Variants in RSPH3 observed in about 807,000 individuals in gnomAD.
RSPH3 encodes the protein radial spoke head protein 3 homolog.
RSPH3 carries 21 observed loss-of-function variants against 43.8 expected under a neutral mutation model. The observed-to-expected ratio is 0.48, with a 90% CI of 0.34 to 0.69. The LOEUF (loss-of-function observed/expected upper bound fraction) is 0.69. Ranked by LOEUF, RSPH3 falls within the 30% of genes least tolerant of loss-of-function variation. The pLI, the probability that RSPH3 is intolerant of heterozygous loss-of-function variation, is 0.01. For synonymous variants in RSPH3, 173 were observed against 179.8 expected (o/e 0.96, Z 0.30); for missense variants, 487 against 516.0 (o/e 0.94, Z 0.54).
chr6:158,981,006 G>GT, intron 5 of RSPH3, 70 bp from the exon 6 acceptor site: 2 of 1,473,868 alleles, frequency 1.4e-6, no homozygotes, highest in Admixed American at 3.4e-5. Context: ...AGTGAAGTTA[G>GT]TAAGTACAAG....
chr6:158,964,016 C>G, the RSPH3 span, among the ~76,000 whole-genome samples: 12 of 152,118 alleles, frequency 7.9e-5, no homozygotes, highest in Non-Finnish European at 5.9e-5. Context: ...ATAAAAATAA[C>G]TTTTCCTAGT....
In RSPH3 at chr6:158,999,940, T is replaced by C. The variant is rs1778808327; in HGVS notation, c.-390A>G. ...GTGCGCCTGCGCTTTGCGAGGTTCC[T>C]GGCTAGGGAGGCGGCCTTGGCTGGC... On this transcript the variant is annotated 5_prime_UTR_variant, in exon 1 of 8. Coordinates refer to ENST00000367069, the MANE Select transcript of RSPH3 (RefSeq NM_031924.8). 2 of 1,608,690 alleles carry C rather than the reference T, an allele frequency of 1.2e-6. No individual in the cohort carries two copies. Among genetic ancestry groups the C allele is most frequent in the Non-Finnish European group, 8.5e-7 (1 of 1,177,352 alleles).
At position 158,985,800 on chromosome 6, in the gene RSPH3, C is replaced by T. The variant is rs367569446; in HGVS notation, c.346+480G>A. 1.5e-4 allele frequency among the ~76,000 whole-genome samples: 22 copies of T among 146,450 alleles called. No homozygotes were observed. The East Asian group carries it at 2.6e-3, about 17-fold the overall frequency. The stretch of plus-strand genomic sequence containing the variant: ...ATAATAGTATATAGTCTATGTATTT[C>T]TCTCTCTCTCTCTCTCTTTTTTTTT... On this transcript the variant is annotated intron_variant, in intron 3 of 7. Transcript: ENST00000367069.
Position 158,977,946 on chromosome 6 carries a change from C to T in RSPH3, c.947-98G>A, listed in dbSNP as rs964983895. ...TTATAGATGATTACAAAAACCTTCA[C>T]GAAGCCTCATCTCTTTCCTATGTCA... On this transcript the variant is annotated intron_variant, in intron 7 of 7. Transcript: ENST00000367069. 34 of 1,046,336 alleles carry T rather than the reference C, an allele frequency of 3.2e-5. No individual in the cohort carries two copies. The African/African-American group carries it at 3.7e-4, about 11-fold the overall frequency. 64.8% of individuals were successfully genotyped at this position (1,046,336 alleles called of 1,614,324 possible). A position where few individuals can be genotyped will look rare whatever the true frequency, so the allele number is the denominator to read the frequency against.
chr6:158,986,828 C>T (rs1778250382), intron 2 of RSPH3, among the ~76,000 whole-genome samples: 1 of 152,034 alleles, frequency 6.6e-6, no homozygotes, highest in Admixed American at 6.6e-5. Context: ...CAAAGATATT[C>T]GATATGATTT....
intron 6 of RSPH3, among the ~76,000 whole-genome samples, chr6:158,980,255 C>T (rs1157807507): frequency 6.6e-6 from 1 of 152,124 alleles, no homozygotes; most frequent in Non-Finnish European, 1.5e-5. Context: ...GGCGAAACCC[C>T]GTCTCTACTA....
chr6:158,980,827 G>C lies in RSPH3; in HGVS notation c.806C>G (p.Ser269Cys). Residue 269 changes from serine to cysteine, a missense_variant, in exon 6 of 8, where the codon TCT becomes TGT. Ser to Cys is a moderately radical substitution (Grantham distance 112). Transcript: ENST00000367069. The part of the protein sequence containing the change: ...AQRYLADLLP[S>C]VFGSLRDSGY... ...ACTATCCCTGAGGCTGCCAAAAACAGACGGGAGAAGGTCAGCCAGGTAACG... is the reference window on the plus strand; with the variant it reads ...ACTATCCCTGAGGCTGCCAAAAACACACGGGAGAAGGTCAGCCAGGTAACG... The C allele has an allele frequency of 6.2e-7, 1 of 1,614,126 alleles. No individual in the cohort carries two copies. The highest frequency in any genetic ancestry group is 8.5e-7 in the Non-Finnish European group (1 of 1,179,984).
chr6:158,978,740 C>T (rs746210119), intron 6 of RSPH3, among the ~76,000 whole-genome samples: 15 of 152,126 alleles, frequency 9.9e-5, no homozygotes, highest in Non-Finnish European at 2.1e-4. Flanking sequence ...AGGGTTTCAC[C>T]ATGTTGGCCA....
chr6:158,999,908 C>T lies in RSPH3; in HGVS notation c.-358G>A. Reference sequence around the variant, plus strand: ...CTTGACTCCGCCCAGCCGCGCCACCCAGGTAGGTGCGCCTGCGCTTTGCGA... The same window carrying T: ...CTTGACTCCGCCCAGCCGCGCCACCTAGGTAGGTGCGCCTGCGCTTTGCGA... On this transcript the variant is annotated 5_prime_UTR_variant, in exon 1 of 8. Coordinates refer to ENST00000367069, the MANE Select transcript of RSPH3 (RefSeq NM_031924.8). 2 of 1,612,814 alleles carry T rather than the reference C, an allele frequency of 1.2e-6. No homozygotes were observed. The highest frequency in any genetic ancestry group is 1.7e-6 in the Non-Finnish European group (2 of 1,179,594).
At chr6:158,978,897 T>A (rs993001118) in intron 6 of RSPH3, among the ~76,000 whole-genome samples, 4 of 152,146 alleles carry the variant, frequency 2.6e-5, no homozygotes, top group African/African-American at 9.7e-5. Context: ...GTTTCCTTCA[T>A]AGGTGCAATC....
downstream of RSPH3, among the ~76,000 whole-genome samples, chr6:158,969,758 T>C (rs1260279425): frequency 6.6e-6 from 1 of 152,230 alleles, no homozygotes; most frequent in Non-Finnish European, 1.5e-5. Flanking sequence ...TCATGGATAT[T>C]TTCTTCTGCC....
intron 1 of RSPH3, among the ~76,000 whole-genome samples, chr6:158,995,578 T>G (rs1007316092): frequency 2.0e-5 from 3 of 151,994 alleles, no homozygotes; most frequent in Admixed American, 6.6e-5. Context: ...CTCCTGTGCC[T>G]TCTTCTTTCA....
In RSPH3 at chr6:158,977,558, C is replaced by T. The variant is rs770058050; in HGVS notation, c.1237G>A (p.Gly413Arg). The change falls in exon 8 of 8, where the codon GGG becomes AGG. Residue 413 changes from glycine to arginine, a missense_variant. Physicochemically the swap from Gly to Arg is moderately radical, Grantham distance 125. Coordinates refer to ENST00000367069, the MANE Select transcript of RSPH3 (RefSeq NM_031924.8). ...DEETAMRKSL[G>R]EEELS The stretch of plus-strand genomic sequence containing the variant: ...CCCTCCTATGACAATTCTTCCTCCC[C>T]TAAGGACTTCCTCATTGCTGTTTCT... 3 of 1,611,912 alleles carry T rather than the reference C, an allele frequency of 1.9e-6. No individual in the cohort carries two copies. The highest frequency in any genetic ancestry group is 2.5e-6 in the Non-Finnish European group (3 of 1,179,440).
At position 159,000,142 on chromosome 6, in the gene RSPH3, C is replaced by T. The variant is rs1019474400; in HGVS notation, c.-592G>A. On this transcript the variant is annotated 5_prime_UTR_variant, in exon 1 of 8. Transcript: ENST00000367069. ...GCGCAGCAGCGCTCCCAGGCTGCCC[C>T]CGCGATAACACGCCCCTGGCAGCCA... 1.3e-4 allele frequency: 90 copies of T among 687,140 alleles called. No individual in the cohort carries two copies. The highest frequency in any genetic ancestry group is 1.9e-4 in the Non-Finnish European group (83 of 436,298). The allele number at this position is 687,140 out of a possible 1,614,324, so 42.6% of individuals were successfully genotyped here.
intron 1 of RSPH3, among the ~76,000 whole-genome samples, chr6:158,994,795 A>G (rs1778536804): frequency 6.6e-6 from 1 of 152,194 alleles, no homozygotes; most frequent in African/African-American, 2.4e-5. Context: ...GACACTAAAC[A>G]TTGCCCTACA....
chr6:158,993,307 G>T (rs1394503116), intron 2 of RSPH3, among the ~76,000 whole-genome samples: 1 of 152,078 alleles, frequency 6.6e-6, no homozygotes. Flanking sequence ...TAGTAGAGAC[G>T]GGGTTTCACC....
At chr6:158,995,781 A>T (rs550769122) in intron 1 of RSPH3, among the ~76,000 whole-genome samples, 1 of 151,462 alleles carries the variant, frequency 6.6e-6, no homozygotes, top group Non-Finnish European at 1.5e-5. Context: ...GTATTTTTTT[A>T]GTAGAGACGG....
intron 3 of RSPH3, 59 bp from the exon 4 acceptor site, chr6:158,983,866 G>T: frequency 8.1e-7 from 1 of 1,228,254 alleles, no homozygotes; most frequent in Non-Finnish European, 1.2e-6. Flanking sequence ...AGGCATGGTA[G>T]TTCATGCCCA....
chr6:158,990,434 A>G (rs936871113), intron 2 of RSPH3: 6 of 152,054 alleles, frequency 3.9e-5, no homozygotes, highest in Non-Finnish European at 7.4e-5. Context: ...TTTCTTTTGC[A>G]GGGGGAGTGA....
Sources: allele counts gnomAD v4.1 joint callset (sites outside exome capture counted in the v4.1 genomes callset), GRCh38; gene constraint gnomAD v4.1.1; transcripts MANE v1.5; gene names NCBI Gene and HGNC (gene_info 2026-07-23, HGNC 2026-07-21).